The following RAP1GDS1 variants were observed in gnomAD, a reference collection of about 807,000 sequenced individuals.
RAP1GDS1 encodes the protein RAP1, GTP-GDP dissociation stimulator 1.
In RAP1GDS1, 35 loss-of-function variants were observed where a neutral mutation model predicts 71.1. The observed-to-expected ratio is 0.49, with a 90% CI of 0.38 to 0.65. The LOEUF is 0.65. Among genes scored for constraint, RAP1GDS1 ranks in the 30% least tolerant of loss-of-function variants. RAP1GDS1 has a pLI of 0.00. For missense variants in RAP1GDS1, 663 were observed against 706.1 expected (o/e 0.94, Z 0.69); for synonymous variants, 229 against 243.1 (o/e 0.94, Z 0.54).
Position 98,346,410 on chromosome 4 carries a change from A to C in RAP1GDS1, c.235+3149A>C, listed in dbSNP as rs150174233. 3.6e-3 allele frequency among the ~76,000 whole-genome samples: 541 copies of C among 152,158 alleles called. 3 individuals carry two copies. The highest frequency in any genetic ancestry group is 0.012 in the African/African-American group (507 of 41,496). Reference sequence around the variant, plus strand: ...GGTACATGTAGTACATGTTTATTTTAGTATAAAATGCATGTGTGCCCTAGA... The same window carrying C: ...GGTACATGTAGTACATGTTTATTTTCGTATAAAATGCATGTGTGCCCTAGA... On this transcript the variant is annotated intron_variant, in intron 3 of 14. Coordinates refer to ENST00000408927, the MANE Select transcript of RAP1GDS1 (RefSeq NM_001100427.2).
chr4:98,433,879 G>C, intron 12 of RAP1GDS1, 57 bp from the exon 13 acceptor site: 1 of 1,495,456 alleles, frequency 6.7e-7, no homozygotes, highest in Non-Finnish European at 9.2e-7. Context: ...TGATTTTAAT[G>C]CATGTTCCTT....
intron 2 of RAP1GDS1, among the ~76,000 whole-genome samples, chr4:98,340,178 T>G (rs920148891): frequency 2.0e-5 from 3 of 152,206 alleles, no homozygotes; most frequent in Admixed American, 1.3e-4. Context: ...GTATTATTGG[T>G]CATGTACCCA....
Position 98,318,413 on chromosome 4 carries a change from C to T in RAP1GDS1, c.113-24726C>T, listed in dbSNP as rs138578753. ...TTAGGCACAGTTAAAAGAGTAACAA[C>T]AATAACTAATGATAAAATATTATTA... On this transcript the variant is annotated intron_variant, in intron 2 of 14. Coordinates refer to ENST00000408927, the MANE Select transcript of RAP1GDS1 (RefSeq NM_001100427.2). 1.3e-3 allele frequency among the ~76,000 whole-genome samples: 205 copies of T among 152,220 alleles called. 1 individual carries two copies. The highest frequency in any genetic ancestry group is 3.4e-3 in the Middle Eastern group (1 of 294).
chr4:98,316,781 A>G (rs1731007490), intron 2 of RAP1GDS1, among the ~76,000 whole-genome samples: 1 of 152,194 alleles, frequency 6.6e-6, no homozygotes, highest in Non-Finnish European at 1.5e-5. Flanking sequence ...GTTCTGCATG[A>G]GAGTACTTCA....
chr4:98,421,127 G>C (rs2110192973), intron 11 of RAP1GDS1, 128 bp from the exon 12 acceptor site: 7 of 1,071,542 alleles, frequency 6.5e-6, no homozygotes, highest in East Asian at 5.2e-5. Flanking sequence ...AATATTTGCA[G>C]TTCTAGCTTT....
At chr4:98,376,651 C>G (rs1741226352) in intron 4 of RAP1GDS1, among the ~76,000 whole-genome samples, 1 of 151,974 alleles carries the variant, frequency 6.6e-6, no homozygotes, top group Non-Finnish European at 1.5e-5. Flanking sequence ...AAGAAAAAAG[C>G]TGTATAATCA....
chr4:98,421,557 A>G (rs1187515026), intron 12 of RAP1GDS1, among the ~76,000 whole-genome samples, 163 bp downstream of exon 12: 1 of 152,196 alleles, frequency 6.6e-6, no homozygotes, highest in Non-Finnish European at 1.5e-5. Flanking sequence ...GGGATATAGG[A>G]AACACTCGGT....
At chr4:98,284,741 C>G (rs777536001) in intron 1 of RAP1GDS1, among the ~76,000 whole-genome samples, 1 of 152,160 alleles carries the variant, frequency 6.6e-6, no homozygotes, top group African/African-American at 2.4e-5. Context: ...TGTTGGAATA[C>G]CAGCCTGCTT....
At chr4:98,418,817 T>G (rs767088106) in intron 10 of RAP1GDS1, 26 bp downstream of exon 10, 1 of 1,547,710 alleles carries the variant, frequency 6.5e-7, no homozygotes, top group Non-Finnish European at 8.7e-7. Context: ...AGAAGGCAGC[T>G]GTGTACAAAA....
intron 4 of RAP1GDS1, among the ~76,000 whole-genome samples, chr4:98,356,696 A>G (rs1199067403): frequency 6.6e-6 from 1 of 152,068 alleles, no homozygotes; most frequent in African/African-American, 2.4e-5. Flanking sequence ...AACTGGTACT[A>G]TTATTGGAAA....
intron 5 of RAP1GDS1, among the ~76,000 whole-genome samples, chr4:98,381,352 C>T (rs889097378): frequency 1.3e-5 from 2 of 151,522 alleles, no homozygotes; most frequent in Admixed American, 6.6e-5. Context: ...TTGTCTGTCA[C>T]GAGTGTCTTA....
intron 6 of RAP1GDS1, 70 bp downstream of exon 6, chr4:98,392,150 T>C: frequency 7.3e-7 from 1 of 1,374,552 alleles, no homozygotes; most frequent in Non-Finnish European, 9.9e-7. Flanking sequence ...TTTCTGTAGA[T>C]ATTAAGAAGC....
rs149555863 is a variant in RAP1GDS1, at chr4:98,283,086, C to G, written c.5-10322C>G. Among the ~76,000 whole-genome samples the G allele has an allele frequency of 1.3e-3, 202 of 152,196 alleles. 3 individuals carry two copies. The highest frequency in any genetic ancestry group is 3.8e-3 in the African/African-American group (157 of 41,534). On this transcript the variant is annotated intron_variant, in intron 1 of 14. Transcript: ENST00000408927. ...ATCAAAGTTTTTTTGACAAGAAATTCATCAGATTTTAAAAACAATTTTTTA... is the reference window on the plus strand; with the variant it reads ...ATCAAAGTTTTTTTGACAAGAAATTGATCAGATTTTAAAAACAATTTTTTA...
intron 1 of RAP1GDS1, among the ~76,000 whole-genome samples, chr4:98,267,547 A>G (rs1049600173): frequency 2.0e-5 from 3 of 152,026 alleles, no homozygotes; most frequent in Admixed American, 2.0e-4. Flanking sequence ...CTTTATGTCC[A>G]TATGTACACC....
chr4:98,282,389 A>G (rs1447293107), intron 1 of RAP1GDS1, among the ~76,000 whole-genome samples: 2 of 152,158 alleles, frequency 1.3e-5, no homozygotes, highest in African/African-American at 2.4e-5. Context: ...TTTCTAGTTT[A>G]TTTGCGTAGA....
intron 2 of RAP1GDS1, among the ~76,000 whole-genome samples, chr4:98,327,341 CA>C (rs1733285351): frequency 6.6e-6 from 1 of 152,148 alleles, no homozygotes; most frequent in Admixed American, 6.5e-5. Context: ...AGAAGGATTA[CA>C]TAATTGTTTT....
At chr4:98,281,390 C>A (rs1449790585) in intron 1 of RAP1GDS1, among the ~76,000 whole-genome samples, 1 of 151,850 alleles carries the variant, frequency 6.6e-6, no homozygotes, top group African/African-American at 2.4e-5. Flanking sequence ...AATGGGAGTT[C>A]ACTCATGATT....
At position 98,329,225 on chromosome 4, in the gene RAP1GDS1, C is replaced by T. The variant is rs903061963; in HGVS notation, c.113-13914C>T. 2.0e-5 allele frequency among the ~76,000 whole-genome samples: 3 copies of T among 152,208 alleles called. 1 individual carries two copies. Among genetic ancestry groups the T allele is most frequent in the Admixed American group, 2.0e-4 (3 of 15,286 alleles). ...GGGGCAGTCAAATAAGGAGAAAATG[C>T]AACTATTTCTACCTTTGTTCATAAA... On this transcript the variant is annotated intron_variant, in intron 2 of 14. Coordinates refer to ENST00000408927, the MANE Select transcript of RAP1GDS1 (RefSeq NM_001100427.2).
intron 2 of RAP1GDS1, among the ~76,000 whole-genome samples, chr4:98,334,799 G>A (rs1734469778): frequency 6.7e-6 from 1 of 149,898 alleles, no homozygotes; most frequent in South Asian, 2.1e-4. Context: ...GTTATACTTT[G>A]TAAAGCTATT....
Sources: allele counts gnomAD v4.1 joint callset (sites outside exome capture counted in the v4.1 genomes callset), GRCh38; gene constraint gnomAD v4.1.1; transcripts MANE v1.5; gene names NCBI Gene and HGNC (gene_info 2026-07-23, HGNC 2026-07-21).